The following SPACA7 variants were observed in gnomAD, a reference collection of about 807,000 sequenced individuals.
The protein encoded by SPACA7 is sperm acrosome-associated protein 7.
A neutral mutation model predicts 26.3 loss-of-function variants in SPACA7; 19 were observed. That is an observed-to-expected ratio of 0.72 (90% confidence interval 0.50 to 1.06). The LOEUF is 1.06. Ranked by LOEUF, SPACA7 falls within the 50% of genes least tolerant of loss-of-function variation. The pLI, the probability that SPACA7 is intolerant of heterozygous loss-of-function variation, is 0.00. For missense variants in SPACA7, 211 were observed against 229.9 expected, an observed-to-expected ratio of 0.92 and a Z score of 0.53; for synonymous variants, 84 against 84.5, an observed-to-expected ratio of 0.99 and a Z score of 0.04.
At chr13:112,427,870 GT>G (rs1876689667) in intron 5 of SPACA7, among the ~76,000 whole-genome samples, 1 of 152,004 alleles carries the variant, frequency 6.6e-6, no homozygotes, top group African/African-American at 2.4e-5. Flanking sequence ...CATTTTCAGT[GT>G]CTGCAGGAAC....
At chr13:112,388,110 T>C (rs1004172869) in intron 1 of SPACA7, among the ~76,000 whole-genome samples, 1 of 152,168 alleles carries the variant, frequency 6.6e-6, no homozygotes, top group Non-Finnish European at 1.5e-5. Context: ...CAGCAACCCC[T>C]TCGGAGATCC....
At chr13:112,411,895 C>T (rs1189869187) in intron 5 of SPACA7, among the ~76,000 whole-genome samples, 7 of 152,168 alleles carry the variant, frequency 4.6e-5, no homozygotes, top group Non-Finnish European at 1.0e-4. Context: ...AATAGAACTG[C>T]AATGGCCATG....
At chr13:112,389,169 A>G (rs1030230519) in intron 1 of SPACA7, among the ~76,000 whole-genome samples, 2 of 152,214 alleles carry the variant, frequency 1.3e-5, no homozygotes, top group Non-Finnish European at 2.9e-5. Context: ...CTTTGTTTAT[A>G]CTATAAACTA....
At chr13:112,377,349 C>T (rs1218939634) in intron 1 of SPACA7, among the ~76,000 whole-genome samples, 2 of 152,144 alleles carry the variant, frequency 1.3e-5, no homozygotes, top group Admixed American at 1.3e-4. Context: ...TCTTTGAAGA[C>T]CTTTTAAAAT....
At chr13:112,405,566 C>CA (rs1387299254) in intron 5 of SPACA7, among the ~76,000 whole-genome samples, 3 of 152,090 alleles carry the variant, frequency 2.0e-5, no homozygotes, top group Non-Finnish European at 2.9e-5. Context: ...ACAAAATTTG[C>CA]TCATGGTTTC....
chr13:112,427,566 G>A (rs1876653383), intron 5 of SPACA7, among the ~76,000 whole-genome samples: 1 of 152,238 alleles, frequency 6.6e-6, no homozygotes, highest in African/African-American at 2.4e-5. Flanking sequence ...TCATAGAAAT[G>A]GGTTGGGAAG....
intron 5 of SPACA7, among the ~76,000 whole-genome samples, chr13:112,424,918 T>C (rs773740739): frequency 2.6e-4 from 40 of 152,190 alleles, no homozygotes; most frequent in Non-Finnish European, 5.3e-4. Context: ...GCACCCTCCA[T>C]GCCGACCCTA....
At chr13:112,424,815 C>T (rs61960818) in intron 5 of SPACA7, among the ~76,000 whole-genome samples, 3,281 of 152,190 alleles carry the variant, frequency 0.022, 60 homozygotes, top group Non-Finnish European at 0.031. Flanking sequence ...GCTGTCTGTT[C>T]ATGCTGTCTC....
intron 5 of SPACA7, among the ~76,000 whole-genome samples, chr13:112,431,313 T>C (rs1486756087): frequency 6.6e-6 from 1 of 152,154 alleles, no homozygotes; most frequent in Non-Finnish European, 1.5e-5. Context: ...CTCTCTTCCT[T>C]GTTGCCAGAA....
chr13:112,383,177 GAAAGAAAGAAAGAAAGA>G (rs1424993993), intron 1 of SPACA7, among the ~76,000 whole-genome samples: 2 of 114,028 alleles, frequency 1.8e-5, no homozygotes, highest in Admixed American at 8.9e-5. Context: ...AAGAAAGAAA[GAAAGAAAGAAAGAAAGA>G]AAAGAAAGAA....
At chr13:112,396,563 C>T (rs1885275658) in intron 2 of SPACA7, among the ~76,000 whole-genome samples, 1 of 152,212 alleles carries the variant, frequency 6.6e-6, no homozygotes, top group Non-Finnish European at 1.5e-5. Context: ...GTGTCTGGTT[C>T]AGAAGAGTGC....
chr13:112,425,823 C>T (rs1876487798), intron 5 of SPACA7, among the ~76,000 whole-genome samples: 1 of 152,144 alleles, frequency 6.6e-6, no homozygotes, highest in South Asian at 2.1e-4. Flanking sequence ...CTCTGCCTCC[C>T]CACCCTCCAT....
At chr13:112,396,265 C>T (rs951738941) in intron 2 of SPACA7, among the ~76,000 whole-genome samples, 2 of 151,970 alleles carry the variant, frequency 1.3e-5, no homozygotes, top group Admixed American at 6.5e-5. Context: ...CCACCATGGA[C>T]GGGGGTGATC....
At chr13:112,409,640 G>T (rs1277365678) in intron 5 of SPACA7, among the ~76,000 whole-genome samples, 7 of 152,176 alleles carry the variant, frequency 4.6e-5, no homozygotes, top group Admixed American at 1.3e-4. Flanking sequence ...GGCCATCAGA[G>T]AAATGCAAAT....
At chr13:112,400,236 TC>T (rs1226884656) in intron 4 of SPACA7, among the ~76,000 whole-genome samples, 1 of 151,492 alleles carries the variant, frequency 6.6e-6, no homozygotes, top group Non-Finnish European at 1.5e-5. Context: ...CCCCAAAGAG[TC>T]CCCCCAATAA....
intron 1 of SPACA7, chr13:112,378,551 A>G (rs1199993374): frequency 2.7e-6 from 1 of 368,186 alleles, no homozygotes; most frequent in Non-Finnish European, 5.6e-6. Context: ...ATTTTTTAAA[A>G]GCTTTTTGAG....
chr13:112,399,342 G>A (rs1387610701), intron 4 of SPACA7, among the ~76,000 whole-genome samples, 169 bp downstream of exon 4: 1 of 152,356 alleles, frequency 6.6e-6, no homozygotes, highest in Non-Finnish European at 1.5e-5. Flanking sequence ...TCGGGGCTGA[G>A]GGACCCCCAG....
chr13:112,403,185 A>C (rs1885755202), intron 5 of SPACA7, among the ~76,000 whole-genome samples: 1 of 152,086 alleles, frequency 6.6e-6, no homozygotes, highest in African/African-American at 2.4e-5. Flanking sequence ...CAGGTTTCTT[A>C]ATCAATGGGG....
chr13:112,415,959 C>T (rs994163687), intron 5 of SPACA7, among the ~76,000 whole-genome samples: 3 of 151,776 alleles, frequency 2.0e-5, no homozygotes, highest in African/African-American at 7.3e-5. Context: ...TGTGGTGAGG[C>T]CAGCATTGAG....
Sources: allele counts gnomAD v4.1 joint callset (sites outside exome capture counted in the v4.1 genomes callset), GRCh38; gene constraint gnomAD v4.1.1; transcripts MANE v1.5; gene names NCBI Gene and HGNC (gene_info 2026-07-23, HGNC 2026-07-21).